RNF212: variants seen among roughly 807,000 people sequenced by gnomAD.
RNF212 encodes the protein probable E3 SUMO-protein ligase RNF212.
A neutral mutation model predicts 34.7 loss-of-function variants in RNF212; 33 were observed. The observed-to-expected ratio is 0.95, with a 90% CI of 0.72 to 1.27. The LOEUF (loss-of-function observed/expected upper bound fraction) is 1.27. RNF212 is among the 50% of genes most tolerant of loss of function. RNF212 has a pLI of 0.00. For synonymous variants in RNF212, 140 were observed against 136.1 expected, an observed-to-expected ratio of 1.03 and a Z score of -0.20; for missense variants, 377 against 362.2, an observed-to-expected ratio of 1.04 and a Z score of -0.33.
chr4:1,069,790 G>C (rs537897005), downstream of RNF212, among the ~76,000 whole-genome samples: 3 of 152,176 alleles, frequency 2.0e-5, no homozygotes, highest in Admixed American at 1.3e-4. Context: ...TTTATTCTTC[G>C]GAACTGTTGA....
At chr4:1,097,802 C>T (rs185883065) in intron 2 of RNF212, among the ~76,000 whole-genome samples, 10 of 151,786 alleles carry the variant, frequency 6.6e-5, no homozygotes, top group East Asian at 4.0e-4. Flanking sequence ...AAGAGGCTCA[C>T]GCCTGTCATC....
intron 3 of RNF212, among the ~76,000 whole-genome samples, chr4:1,063,946 T>C (rs1717920497): frequency 6.6e-6 from 1 of 151,586 alleles, no homozygotes. Flanking sequence ...ATATACCAAG[T>C]GCTAAAAAGT....
At chr4:1,061,616 C>T (rs892451830) in intron 3 of RNF212, among the ~76,000 whole-genome samples, 6 of 152,168 alleles carry the variant, frequency 3.9e-5, no homozygotes, top group Admixed American at 2.0e-4. Flanking sequence ...CTCAGGGATG[C>T]GTGGTGTTGG....
exon 5 of RNF212, chr4:1,056,385 G>A (rs758286862): frequency 3.8e-5 from 10 of 266,176 alleles, no homozygotes; most frequent in Non-Finnish European, 5.3e-5. Flanking sequence ...GGGGCAGAGC[G>A]GGTGGCTGGG....
chr4:1,060,568 C>T (rs184201033), intron 3 of RNF212, among the ~76,000 whole-genome samples: 2,572 of 152,200 alleles, frequency 0.017, 35 homozygotes, highest in Non-Finnish European at 0.028. Flanking sequence ...ATTCCCACAA[C>T]ATCTTCCAGC....
In RNF212 at chr4:1,113,517, G is replaced by A. The variant is rs1017929734; in HGVS notation, c.-53C>T. On this transcript the variant is annotated 5_prime_UTR_variant, in exon 1 of 10. Transcript: ENST00000433731. ...CCGGGCCCACGCGAAGCCCACGCAA[G>A]GTTGGGACCAGCCTCCCCGCGCAGG... The A allele has an allele frequency of 2.7e-6, 4 of 1,488,416 alleles. No homozygotes were observed. The highest frequency in any genetic ancestry group is 1.8e-5 in the Admixed American group (1 of 56,552). 92.2% of individuals were successfully genotyped at this position (1,488,416 alleles called of 1,614,324 possible). A position where few individuals can be genotyped will look rare whatever the true frequency, so the allele number is the denominator to read the frequency against.
At chr4:1,074,897 G>A (rs529183911) in intron 8 of RNF212, among the ~76,000 whole-genome samples, 1 of 105,594 alleles carries the variant, frequency 9.5e-6, no homozygotes, top group South Asian at 3.2e-4. Context: ...GTGCTGCTAT[G>A]CCATCATTTC....
At chr4:1,082,001 A>C in intron 5 of RNF212, 1 of 265,646 alleles carries the variant, frequency 3.8e-6, no homozygotes. Context: ...CCATCATCCC[A>C]ACACTTTGGG....
At position 1,071,710 on chromosome 4, in the gene RNF212, TA is replaced by T. The variant is rs778282697; in HGVS notation, c.*1163del. On this transcript the variant is annotated 3_prime_UTR_variant, in exon 10 of 10. Coordinates refer to ENST00000433731, the MANE Select transcript of RNF212 (RefSeq NM_001131034.4). ...CATATGTTATCAATGAAATGCAAAA[TA>T]AAACAGCAAGATACCACTACATACC... The T allele has an allele frequency of 2.0e-5, 3 of 152,120 alleles. No individual in the cohort carries two copies. Among genetic ancestry groups the T allele is most frequent in the Non-Finnish European group, 4.4e-5 (3 of 68,018 alleles). 9.4% of individuals were successfully genotyped at this position (152,120 alleles called of 1,614,324 possible).
intron 3 of RNF212, among the ~76,000 whole-genome samples, chr4:1,058,929 C>T (rs1174375341): frequency 4.6e-5 from 7 of 152,326 alleles, no homozygotes; most frequent in East Asian, 3.9e-4. Flanking sequence ...TGAGAACTGC[C>T]GGAAGGGCAA....
intron 2 of RNF212, among the ~76,000 whole-genome samples, 157 bp from the exon 3 acceptor site, chr4:1,096,996 T>TCGATCAACAGGACAGCCC (rs1315358475): frequency 1.3e-5 from 2 of 152,178 alleles, no homozygotes; most frequent in Admixed American, 1.3e-4. Context: ...AGGGACAGCC[T>TCGATCAACAGGACAGCCC]CGATCAACAG....
intron 2 of RNF212, among the ~76,000 whole-genome samples, chr4:1,098,722 C>A (rs894288359): frequency 1.3e-5 from 2 of 152,082 alleles, no homozygotes; most frequent in African/African-American, 4.8e-5. Context: ...GGTCTCCCTA[C>A]GTATAAAACA....
In RNF212 at chr4:1,080,065, C is replaced by T. The variant is rs569616902; in HGVS notation, c.465-377G>A. On this transcript the variant is annotated intron_variant, in intron 7 of 9. Transcript: ENST00000433731. ...CTAGGACGTTCTGAGAGTGGGATCC[C>T]GAATTGACTTCTGTGATCACTCACT... is the stretch of plus-strand genomic sequence containing the variant. Among the ~76,000 whole-genome samples, 24 of 152,288 alleles carry T rather than the reference C, an allele frequency of 1.6e-4. No individual in the cohort carries two copies. The East Asian group carries it at 2.1e-3, about 13-fold the overall frequency.
chr4:1,081,423 C>G lies in RNF212; in HGVS notation c.460G>C (p.Asp154His). ...TTCTGCAAGCAACCCACACACCTGT[C>G]GGGGGCTGATGAGTGAGGTGGCAGC... ...CLLPPHSSAPDRLESMEVDLS... is the reference protein window; with the variant it reads ...CLLPPHSSAPHRLESMEVDLS... The change falls in exon 7 of 10, where the codon GAC becomes CAC. Residue 154 changes from aspartate (D) to histidine (H), a missense_variant. Physicochemically the swap from Asp to His is moderately conservative, Grantham distance 81. Coordinates refer to ENST00000433731, the MANE Select transcript of RNF212 (RefSeq NM_001131034.4). The G allele has an allele frequency of 1.9e-6, 3 of 1,613,570 alleles. No homozygotes were observed. The highest frequency in any genetic ancestry group is 1.7e-5 in the Admixed American group (1 of 59,990).
chr4:1,061,652 C>T (rs1010605952), intron 3 of RNF212, among the ~76,000 whole-genome samples: 1 of 152,126 alleles, frequency 6.6e-6, no homozygotes, highest in Admixed American at 6.5e-5. Flanking sequence ...AGAGCAGCGG[C>T]CAACCGCTGA....
At chr4:1,069,995 GCGCTGTGT>G (rs1312340745), downstream of RNF212, among the ~76,000 whole-genome samples, 1 of 151,706 alleles carries the variant, frequency 6.6e-6, no homozygotes, top group Non-Finnish European at 1.5e-5. Flanking sequence ...TTGTAGGATT[GCGCTGTGT>G]CAGCGTGGAC....
At chr4:1,091,059 G>A (rs658320) in intron 3 of RNF212, among the ~76,000 whole-genome samples, 28,160 of 152,250 alleles carry the variant, frequency 0.18, 4,240 homozygotes, top group African/African-American at 0.42. Context: ...AGTCTCCCCA[G>A]CAACCTGCTC....
rs745790768 is a variant in RNF212 at position 1,081,440 on chromosome 4, G to A, written c.443C>T (p.Pro148Leu). ...STKPHGCLLP[P>L]HSSAPDRLES... is the part of the protein sequence containing the mutation. ...ACACCTGTCGGGGGCTGATGAGTGA[G>A]GTGGCAGCAGGCATCCGTGTGGTTT... Residue 148 changes from proline to leucine, a missense_variant, in exon 7 of 10, where the codon CCT becomes CTT. Pro to Leu is a moderately conservative substitution (Grantham distance 98). Transcript: ENST00000433731. 3 of 1,613,908 alleles carry A rather than the reference G, an allele frequency of 1.9e-6. No homozygotes were observed. The highest frequency in any genetic ancestry group is 3.3e-5 in the Admixed American group (2 of 60,018).
chr4:1,063,846 C>T (rs1197776509), intron 3 of RNF212, among the ~76,000 whole-genome samples: 1 of 151,380 alleles, frequency 6.6e-6, no homozygotes, highest in Non-Finnish European at 1.5e-5. Context: ...TGCACTCCAG[C>T]CTGGGTGGCA....
Sources: allele counts gnomAD v4.1 joint callset (sites outside exome capture counted in the v4.1 genomes callset), GRCh38; gene constraint gnomAD v4.1.1; transcripts MANE v1.5; gene names NCBI Gene and HGNC (gene_info 2026-07-23, HGNC 2026-07-21).